UGT1A3: variants seen among roughly 807,000 people sequenced by gnomAD.
UGT1A3 encodes the protein UDP glucuronosyltransferase family 1 member A3, also known as UDP-glucuronosyltransferase 1A3.
A neutral mutation model predicts 41.0 loss-of-function variants in UGT1A3; 31 were observed. That is an observed-to-expected ratio of 0.76 (90% CI 0.57 to 1.02). UGT1A3 has a LOEUF of 1.02. Ranked by LOEUF, UGT1A3 falls within the 50% of genes least tolerant of loss-of-function variation. The pLI is 0.00. For missense variants in UGT1A3, 737 were observed against 671.0 expected (o/e 1.10, Z -1.09); for synonymous variants, 262 against 257.6 (o/e 1.02, Z -0.17).
intron 1 of UGT1A3, among the ~76,000 whole-genome samples, chr2:233,750,222 G>A (rs1326774834): frequency 6.6e-6 from 1 of 151,918 alleles, no homozygotes; most frequent in Non-Finnish European, 1.5e-5. Flanking sequence ...AGATGGAGAT[G>A]AGGAACTTAT....
rs181518181 is a variant in UGT1A3 at position 233,744,372 on chromosome 2, A to G, written c.867+14379A>G. ...AAGACATCCTGTTGTTTAGGACTGC[A>G]GTTCTCCAACGTTCCAGCCCCGGTG... On this transcript the variant is annotated intron_variant, in intron 1 of 4. Transcript: ENST00000482026. Among the ~76,000 whole-genome samples the G allele has an allele frequency of 2.4e-4, 37 of 152,006 alleles. 1 individual carries two copies. Among genetic ancestry groups the G allele is most frequent in the South Asian group, 4.1e-4 (2 of 4,828 alleles).
At chr2:233,743,738 T>C in intron 1 of UGT1A3, 1 of 1,367,388 alleles carries the variant, frequency 7.3e-7, no homozygotes, top group Non-Finnish European at 9.8e-7. Flanking sequence ...ATCGCGTTTC[T>C]TGGCGTCCGA....
chr2:233,737,663 G>T (rs918279158), intron 1 of UGT1A3, among the ~76,000 whole-genome samples: 2 of 152,176 alleles, frequency 1.3e-5, no homozygotes, highest in African/African-American at 2.4e-5. Context: ...GCTGCAGATC[G>T]GAGCTGTTCC....
intron 1 of UGT1A3, among the ~76,000 whole-genome samples, chr2:233,764,385 C>A (rs1299567681): frequency 6.6e-6 from 1 of 152,140 alleles, no homozygotes; most frequent in African/African-American, 2.4e-5. Context: ...AGGAGTTGGC[C>A]GTGATGACAA....
intron 1 of UGT1A3, among the ~76,000 whole-genome samples, chr2:233,748,275 A>G (rs147171654): frequency 6.6e-6 from 1 of 151,830 alleles, no homozygotes; most frequent in Non-Finnish European, 1.5e-5. Context: ...CAATGAGAGG[A>G]AGAAGAGGCA....
chr2:233,758,598 G>T (rs1696919862), intron 1 of UGT1A3, among the ~76,000 whole-genome samples: 1 of 152,158 alleles, frequency 6.6e-6, no homozygotes, highest in Admixed American at 6.5e-5. Flanking sequence ...GTGGGGAGGA[G>T]CTTCAGTGTG....
At position 233,773,293 on chromosome 2, in the gene UGT1A3, A is replaced by C. The variant is rs1290134629; in HGVS notation, c.*734A>C. The C allele has an allele frequency of 1.3e-5, 2 of 152,208 alleles. No homozygotes were observed. Among genetic ancestry groups the C allele is most frequent in the African/African-American group, 4.8e-5 (2 of 41,466 alleles). The allele number at this position is 152,208 out of a possible 1,614,324, so 9.4% of individuals were successfully genotyped here. ...TAAAAATAAATTAATAAATTTATAT[A>C]AATTCTATTTAAGTGTTTTCACTGG... is the stretch of plus-strand genomic sequence containing the variant. On this transcript the variant is annotated 3_prime_UTR_variant, in exon 5 of 5. Transcript: ENST00000482026.
chr2:233,739,185 T>C (rs1265092555), intron 1 of UGT1A3: 3 of 152,264 alleles, frequency 2.0e-5, no homozygotes, highest in Admixed American at 2.0e-4. Context: ...AATGCTTGGA[T>C]GTCCAGGCAG....
intron 1 of UGT1A3, chr2:233,755,110 CGT>C: frequency 7.5e-7 from 1 of 1,333,642 alleles, no homozygotes; most frequent in Non-Finnish European, 1.0e-6. Flanking sequence ...GACAACACCT[CGT>C]AGGCCTCAGC....
chr2:233,748,176 TG>T, intron 1 of UGT1A3: 1 of 1,583,506 alleles, frequency 6.3e-7, no homozygotes, highest in East Asian at 2.2e-5. Flanking sequence ...CTTATCTTTC[TG>T]GTGCTTTTAT....
Position 233,772,766 on chromosome 2 carries a change from C to G in UGT1A3, c.*207C>G. The stretch of plus-strand genomic sequence containing the variant: ...AGATATTTGAATATGTATCGTGCCC[C>G]CTCTGGTGTCTTTGATCAGGATGAC... On this transcript the variant is annotated 3_prime_UTR_variant, in exon 5 of 5. Transcript: ENST00000482026. 1 of 1,374,588 alleles carries G rather than the reference C, an allele frequency of 7.3e-7. No homozygotes were observed. Among genetic ancestry groups the G allele is most frequent in the Non-Finnish European group, 9.5e-7 (1 of 1,047,350 alleles). 85.1% of individuals were successfully genotyped at this position (1,374,588 alleles called of 1,614,324 possible).
At position 233,769,704 on chromosome 2, in the gene UGT1A3, T is replaced by A; in HGVS notation, c.1307+1265T>A. 6.6e-7 allele frequency: 1 copy of A among 1,519,548 alleles called. No homozygotes were observed. Among genetic ancestry groups the A allele is most frequent in the Non-Finnish European group, 8.8e-7 (1 of 1,132,514 alleles). 94.1% of individuals were successfully genotyped at this position (1,519,548 alleles called of 1,614,324 possible). On this transcript the variant is annotated intron_variant, in intron 4 of 4. Transcript: ENST00000482026. This position sits in a 1 kb window ranked among gnomAD's most constrained non-coding sequence, Gnocchi z 4.4. ...GTGGTGGCACTGGATAAAAGATCAA[T>A]GTTGGCTAGGCACCATGGCACACGC... is the stretch of plus-strand genomic sequence containing the variant.
intron 1 of UGT1A3, among the ~76,000 whole-genome samples, chr2:233,734,657 A>G (rs1389558129): frequency 6.6e-6 from 1 of 152,186 alleles, no homozygotes; most frequent in African/African-American, 2.4e-5. Context: ...ATTTAATGCT[A>G]TAAATTTCCC....
At chr2:233,765,774 T>C (rs944173037) in intron 1 of UGT1A3, among the ~76,000 whole-genome samples, 1 of 152,060 alleles carries the variant, frequency 6.6e-6, no homozygotes, top group Non-Finnish European at 1.5e-5. Context: ...GGGGGATTCA[T>C]TGGACCACTG....
intron 1 of UGT1A3, chr2:233,743,796 C>T (rs774777752): frequency 7.3e-7 from 1 of 1,367,346 alleles, no homozygotes; most frequent in South Asian, 1.1e-5. Flanking sequence ...CTCTCCGCTT[C>T]CTCCTTGTTC....
intron 1 of UGT1A3, among the ~76,000 whole-genome samples, chr2:233,759,775 C>T (rs756322145): frequency 1.3e-5 from 2 of 152,048 alleles, no homozygotes; most frequent in African/African-American, 4.8e-5. Context: ...TATTGTTGGA[C>T]GAAGGAATGA....
intron 1 of UGT1A3, chr2:233,760,660 T>C: frequency 6.2e-7 from 1 of 1,614,244 alleles, no homozygotes; most frequent in Non-Finnish European, 8.5e-7. Flanking sequence ...TATGCTTTTG[T>C]CTGGCTGTTC....
intron 1 of UGT1A3, among the ~76,000 whole-genome samples, chr2:233,740,045 T>C (rs374549434): frequency 3.3e-5 from 5 of 151,842 alleles, no homozygotes; most frequent in African/African-American, 1.2e-4. Context: ...AGGGACTCTT[T>C]CTCCTTTACT....
chr2:233,736,579 A>C (rs2078778332), intron 1 of UGT1A3, among the ~76,000 whole-genome samples: 2 of 152,120 alleles, frequency 1.3e-5, no homozygotes. Flanking sequence ...GATCCTTTGG[A>C]GGAGATGTGC....
Sources: gnomAD v4.1 joint callset for allele counts (sites outside exome capture counted in the v4.1 genomes callset) on GRCh38, gnomAD v4.1.1 for gene constraint, Gnocchi (gnomAD v3.1) non-coding constraint, MANE v1.5 for transcripts, NCBI Gene and HGNC (gene_info 2026-07-23, HGNC 2026-07-21) for gene names.